Variants in ODAD1 observed in about 807,000 individuals in gnomAD.
ODAD1 encodes the protein outer dynein arm docking complex subunit 1, also known as outer dynein arm-docking complex subunit 1.
A neutral mutation model predicts 67.2 loss-of-function variants in ODAD1; 49 were observed. That is an observed-to-expected ratio of 0.73 (90% CI 0.58 to 0.92). The LOEUF (loss-of-function observed/expected upper bound fraction) is 0.92, where lower values mean the gene tolerates loss of function less well. ODAD1 is among the 40% of genes least tolerant of loss of function. The pLI, the probability that ODAD1 is intolerant of heterozygous loss-of-function variation, is 0.00. For missense variants in ODAD1, 897 were observed against 953.7 expected, an observed-to-expected ratio of 0.94 and a Z score of 0.78; for synonymous variants, 345 against 393.7, an observed-to-expected ratio of 0.88 and a Z score of 1.46.
intron 3 of ODAD1, chr19:48,319,558 C>T (rs775168208): frequency 2.3e-4 from 82 of 354,656 alleles, no homozygotes; most frequent in Non-Finnish European, 7.1e-5. Flanking sequence ...GACAGGGTCT[C>T]GCTCTGTCCC....
chr19:48,307,174 G>A (rs1321144854), intron 7 of ODAD1, among the ~76,000 whole-genome samples: 1 of 150,118 alleles, frequency 6.7e-6, no homozygotes, highest in Non-Finnish European at 1.5e-5. Flanking sequence ...ACAAGAGTGA[G>A]ACTCCATCTC....
At position 48,321,964 on chromosome 19, in the gene ODAD1, G is replaced by T. The variant is rs1385053312; in HGVS notation, c.-350C>A. 1 of 390,400 alleles carries T rather than the reference G, an allele frequency of 2.6e-6. No homozygotes were observed. Among genetic ancestry groups the T allele is most frequent in the African/African-American group, 2.1e-5 (1 of 48,418 alleles). The allele number at this position is 390,400 out of a possible 1,614,324, so 24.2% of individuals were successfully genotyped here. On this transcript the variant is annotated 5_prime_UTR_variant, in exon 1 of 16. Transcript: ENST00000674294. ...GGCCGCCTACCACGTCCGCGCGCTG[G>T]AGGGCGGAAGTGGGTGAGACCTCGG...
chr19:48,315,530 C>G (rs991650910), intron 5 of ODAD1, among the ~76,000 whole-genome samples: 8 of 152,036 alleles, frequency 5.3e-5, no homozygotes, highest in Admixed American at 5.2e-4. Flanking sequence ...GGTGACAGAG[C>G]GAGACTCCAT....
intron 5 of ODAD1, among the ~76,000 whole-genome samples, chr19:48,314,293 C>T (rs1385563786): frequency 6.6e-6 from 1 of 152,184 alleles, no homozygotes; most frequent in African/African-American, 2.4e-5. Context: ...TTCTCCCCCA[C>T]ACTGCTCAGA....
In ODAD1 at chr19:48,319,450, G is replaced by A. The variant is rs534677340; in HGVS notation, c.71-638C>T. ...CTTACCCACCTCTCCAGTCTTGCCC[G>A]TATGCTCCCCATCTCCAAAGGCCCA... On this transcript the variant is annotated intron_variant, in intron 3 of 15. Transcript: ENST00000674294. 8.9e-4 allele frequency: 877 copies of A among 985,300 alleles called. 1 individual carries two copies. The highest frequency in any genetic ancestry group is 1.2e-3 in the Admixed American group (19 of 16,292). 61.0% of individuals were successfully genotyped at this position (985,300 alleles called of 1,614,324 possible).
Position 48,296,914 on chromosome 19 carries a change from A to C in ODAD1, c.*62T>G. The C allele has an allele frequency of 6.7e-7, 1 of 1,483,014 alleles. No homozygotes were observed. The highest frequency in any genetic ancestry group is 8.9e-7 in the Non-Finnish European group (1 of 1,124,988). The allele number at this position is 1,483,014 out of a possible 1,614,324, so 91.9% of individuals were successfully genotyped here. A position where few individuals can be genotyped will look rare whatever the true frequency, so the allele number is the denominator to read the frequency against. ...GACCCACAAGGCAAACAGGGGAAGT[A>C]GAGACACAAAAAAAGACCCCACAGA... On this transcript the variant is annotated 3_prime_UTR_variant, in exon 16 of 16. Coordinates refer to ENST00000674294, the MANE Select transcript of ODAD1 (RefSeq NM_001364171.2).
chr19:48,302,325 A>G (rs368086), intron 12 of ODAD1, among the ~76,000 whole-genome samples: 150,142 of 151,930 alleles, frequency 0.99, 74,191 homozygotes, highest in East Asian at 1. Context: ...ATAGACTCTG[A>G]ATGGATGGAT....
rs1285693107 is a variant in ODAD1 at position 48,304,004 on chromosome 19, T to C, written c.802A>G (p.Asn268Asp). 3 of 1,614,186 alleles carry C rather than the reference T, an allele frequency of 1.9e-6. No individual in the cohort carries two copies. Among genetic ancestry groups the C allele is most frequent in the South Asian group, 2.2e-5 (2 of 91,088 alleles). ...EQLHHFLKLK[N>D]NDRQPDPDVL... ...TCGGGATCCGGCTGCCGGTCGTTGT[T>C]CTTGAGCTTGAGGAAGTGGTGCAGC... Residue 268 changes from asparagine (N) to aspartate (D), a missense_variant, in exon 9 of 16, where the codon AAC (asparagine) becomes GAC (aspartate). Coordinates refer to ENST00000674294, the MANE Select transcript of ODAD1 (RefSeq NM_001364171.2).
rs1348816657 is a variant in ODAD1, at chr19:48,299,147, C to T, written c.1241-807G>A. Among the ~76,000 whole-genome samples, 9 of 152,230 alleles carry T rather than the reference C, an allele frequency of 5.9e-5. No individual in the cohort carries two copies. The East Asian group carries it at 7.7e-4, about 13-fold the overall frequency. On this transcript the variant is annotated intron_variant, in intron 12 of 15. Coordinates refer to ENST00000674294, the MANE Select transcript of ODAD1 (RefSeq NM_001364171.2). The stretch of plus-strand genomic sequence containing the variant: ...AGGACAGGCTGGGTGCAGTGGCTCA[C>T]GCCTGTAATCCAGCACTTTGGGAAG...
intron 3 of ODAD1, chr19:48,319,441 G>A: frequency 1.0e-6 from 1 of 985,760 alleles, no homozygotes; most frequent in Non-Finnish European, 1.2e-6. Context: ...CACCTCTCCA[G>A]TCTTGCCCGT....
chr19:48,296,789 A>G lies in ODAD1; in HGVS notation c.*187T>C. ...GAAAAGCAGTGTCAGGAGCAGAGAG[A>G]AAGGAACCGGGAGACACAGGTGAGG... On this transcript the variant is annotated 3_prime_UTR_variant, in exon 16 of 16. Transcript: ENST00000674294. 7.1e-7 allele frequency: 1 copy of G among 1,416,244 alleles called. No individual in the cohort carries two copies. Among genetic ancestry groups the G allele is most frequent in the South Asian group, 1.6e-5 (1 of 62,354 alleles). The allele number at this position is 1,416,244 out of a possible 1,614,324, so 87.7% of individuals were successfully genotyped here. A position where few individuals can be genotyped will look rare whatever the true frequency, so the allele number is the denominator to read the frequency against.
chr19:48,318,400 GCCCT>G lies in ODAD1; in HGVS notation c.343_346del (p.Arg115ProfsTer40), dbSNP rs1363322773. ...CTCAAACCCCACCTGCTTGTCCAGG[GCCCT>G]GGTCTGCTCCTGCAGCTCCTCGATC... On this transcript the variant is annotated frameshift_variant, in exon 5 of 16. Coordinates refer to ENST00000674294, the MANE Select transcript of ODAD1 (RefSeq NM_001364171.2). LOFTEE classifies it high-confidence loss of function. The G allele has an allele frequency of 6.4e-7, 1 of 1,551,486 alleles. No individual in the cohort carries two copies. Among genetic ancestry groups the G allele is most frequent in the Non-Finnish European group, 8.7e-7 (1 of 1,146,930 alleles).
At chr19:48,319,653 G>C in intron 3 of ODAD1, 1 of 153,914 alleles carries the variant, frequency 6.5e-6, no homozygotes, top group Non-Finnish European at 1.4e-5. Context: ...TCAGCCTCCC[G>C]AGTAGCTGGG....
At position 48,304,123 on chromosome 19, in the gene ODAD1, T is replaced by G; in HGVS notation, c.683A>C (p.Lys228Thr). ...AYAVREEAKA[K>T]MGLLRERAEK... ...CGCGCGCTCCCGCAGCAAGCCCATC[T>G]TGGCCTTCGCCTCCTCCCTGCGGGG... is the stretch of plus-strand genomic sequence containing the variant. Residue 228 changes from lysine (K) to threonine (T), a missense_variant, in exon 9 of 16, where the codon AAG becomes ACG. Lys to Thr is a moderately conservative substitution (Grantham distance 78). Coordinates refer to ENST00000674294, the MANE Select transcript of ODAD1 (RefSeq NM_001364171.2). The G allele has an allele frequency of 6.2e-7, 1 of 1,609,780 alleles. No homozygotes were observed. The highest frequency in any genetic ancestry group is 1.1e-5 in the South Asian group (1 of 91,004).
In ODAD1 at chr19:48,318,565, C is replaced by T. The variant is rs759979512; in HGVS notation, c.182G>A (p.Arg61Gln). 12 of 1,551,184 alleles carry T rather than the reference C, an allele frequency of 7.7e-6. No individual in the cohort carries two copies. In the Admixed American group the frequency reaches 9.8e-5, roughly 13 times the overall value. Residue 61 changes from arginine (R) to glutamine (Q), a missense_variant, in exon 5 of 16, where the codon CGG becomes CAG. Coordinates refer to ENST00000674294, the MANE Select transcript of ODAD1 (RefSeq NM_001364171.2). ...ATCGCCCCGTACCTCCTCCAAGCGC[C>T]GGATCTCCTCACTACCCAGGCAGGG... The part of the protein sequence containing the change: ...QRINKQLEEI[R>Q]RLEEVRGDLQ...
At chr19:48,306,830 T>C (rs1405267165) in intron 7 of ODAD1, among the ~76,000 whole-genome samples, 2 of 152,176 alleles carry the variant, frequency 1.3e-5, no homozygotes, top group African/African-American at 4.8e-5. Context: ...GCAGATCACC[T>C]GAGCTTGGGA....
chr19:48,303,717 G>A lies in ODAD1; in HGVS notation c.921C>T (p.Ala307=). 1.2e-6 allele frequency: 2 copies of A among 1,614,066 alleles called. No individual in the cohort carries two copies. Among genetic ancestry groups the A allele is most frequent in the Non-Finnish European group, 8.5e-7 (1 of 1,179,966 alleles). The part of the protein sequence containing the change: ...QERLVLCYED[A]LNKLSQLMGE... ...CCATCAGCTGGGACAGTTTATTCAG[G>A]GCGTCCTCGTAGCAAAGCACCAGCC... Residue 307 remains alanine, a synonymous_variant, in exon 10 of 16, where the codon GCC becomes GCT. Transcript: ENST00000674294.
chr19:48,308,040 C>A (rs979996977), intron 7 of ODAD1, among the ~76,000 whole-genome samples: 4 of 152,070 alleles, frequency 2.6e-5, no homozygotes, highest in Admixed American at 2.6e-4. Flanking sequence ...GAAGGGGCTC[C>A]CACTAACCAA....
chr19:48,315,918 T>C (rs760007451), intron 5 of ODAD1, among the ~76,000 whole-genome samples: 6 of 152,230 alleles, frequency 3.9e-5, no homozygotes, highest in Non-Finnish European at 8.8e-5. Flanking sequence ...CGACCACCGA[T>C]GGACATTTGG....
Sources: allele counts gnomAD v4.1 joint callset (sites outside exome capture counted in the v4.1 genomes callset), GRCh38; gene constraint gnomAD v4.1.1; transcripts MANE v1.5; gene names NCBI Gene and HGNC (gene_info 2026-07-23, HGNC 2026-07-21).